MUC4: variants seen among roughly 807,000 people sequenced by gnomAD.
MUC4 encodes mucin-4.
A neutral mutation model predicts 257.9 loss-of-function variants in MUC4; 202 were observed. The ratio of observed to expected loss-of-function variants is 0.78; its 90% CI spans 0.70 to 0.88. The LOEUF (loss-of-function observed/expected upper bound fraction) is 0.88, where lower values mean the gene tolerates loss of function less well. Among genes scored for constraint, MUC4 ranks in the 40% least tolerant of loss-of-function variants. The pLI, the probability that MUC4 is intolerant of heterozygous loss-of-function variation, is 0.00. For missense variants in MUC4, 5,976 were observed against 6,513.7 expected (o/e 0.92, Z 2.84); for synonymous variants, 2,351 against 2,757.1 (o/e 0.85, Z 4.62).
intron 1 of MUC4, among the ~76,000 whole-genome samples, chr3:195,792,447 C>G (rs4927721): frequency 0.5 from 76,503 of 152,066 alleles, 21,921 homozygotes; most frequent in African/African-American, 0.78. Flanking sequence ...TCTCACACCA[C>G]TCAGAATGGC....
In MUC4 at chr3:195,765,345, C is replaced by T; in HGVS notation, c.13723G>A (p.Gly4575Ser). The T allele has an allele frequency of 1.2e-6, 2 of 1,613,738 alleles. No homozygotes were observed. The highest frequency in any genetic ancestry group is 1.7e-6 in the Non-Finnish European group (2 of 1,180,016). ...CAAGGGCAGGAGACCTGGTTCCAGCCCCAGCTGGGCCACCGAGGCTGGCTC... is the reference window on the plus strand; with the variant it reads ...CAAGGGCAGGAGACCTGGTTCCAGCTCCAGCTGGGCCACCGAGGCTGGCTC... ...LKSQPRWPSW[G>S]WNQVSCPCSW... Residue 4575 changes from glycine (G) to serine (S), a missense_variant, in exon 9 of 25, where the codon GGC becomes AGC. Gly to Ser is a moderately conservative substitution (Grantham distance 56). Coordinates refer to ENST00000463781, the MANE Select transcript of MUC4 (RefSeq NM_018406.7).
Position 195,757,293 on chromosome 3 carries a change from CCAGCGACTTGGGTGTCCA to C in MUC4, c.15004_15021del (p.Trp5002_Leu5007del). ...GCTAGAATCTCCAGAGTGAATGGCT[CCAGCGACTTGGGTGTCCA>C]CAGCAACGTCCCATTCTCTGCCCCG... On this transcript the variant is annotated inframe_deletion, in exon 18 of 25. Coordinates refer to ENST00000463781, the MANE Select transcript of MUC4 (RefSeq NM_018406.7). This position sits in a 1 kb window ranked among gnomAD's most constrained non-coding sequence, Gnocchi z 4.8. The C allele has an allele frequency of 6.2e-7, 1 of 1,610,006 alleles. No homozygotes were observed.
chr3:195,761,670 G>C, intron 14 of MUC4, 85 bp from the exon 15 acceptor site: 3 of 1,076,766 alleles, frequency 2.8e-6, no homozygotes, highest in South Asian at 2.7e-5. Context: ...AGTGGGGAGA[G>C]GCCAGGGCCT....
At chr3:195,808,483 G>A (rs1263314386) in intron 1 of MUC4, among the ~76,000 whole-genome samples, 1 of 152,162 alleles carries the variant, frequency 6.6e-6, no homozygotes, top group African/African-American at 2.4e-5. Flanking sequence ...TGGGATTACA[G>A]CGTGAGCCAC....
Position 195,786,504 on chromosome 3 carries a change from A to G in MUC4, c.5076T>C (p.Asp1692=), listed in dbSNP as rs1210210161. 2.0e-6 allele frequency: 3 copies of G among 1,525,886 alleles called. No individual in the cohort carries two copies. Among genetic ancestry groups the G allele is most frequent in the Non-Finnish European group, 1.8e-6 (2 of 1,131,866 alleles). 94.5% of individuals were successfully genotyped at this position (1,525,886 alleles called of 1,614,324 possible). The change falls in exon 2 of 25, where the codon GAT becomes GAC. Residue 1692 remains aspartate, a synonymous_variant. Coordinates refer to ENST00000463781, the MANE Select transcript of MUC4 (RefSeq NM_018406.7). ...PVTGLSSATT[D]DTTRLPVTDV... ...CGGTGACAGGAAGACGGGTGGTGTCATCTGTGGTAGCTGAGGAAAGGCCGG... is the reference window on the plus strand; with the variant it reads ...CGGTGACAGGAAGACGGGTGGTGTCGTCTGTGGTAGCTGAGGAAAGGCCGG...
chr3:195,753,134 T>C lies in MUC4; in HGVS notation c.15425A>G (p.Gln5142Arg), dbSNP rs771793916. The change falls in exon 20 of 25, where the codon CAG becomes CGG. Residue 5142 changes from glutamine (Q) to arginine (R), a missense_variant. Gln to Arg is a conservative substitution (Grantham distance 43). This residue lies in a region of MUC4 where 996 missense variants were observed against 1,137.3 expected (regional missense o/e 0.88). Coordinates refer to ENST00000463781, the MANE Select transcript of MUC4 (RefSeq NM_018406.7). ...HCYISQTLGC[Q>R]PMCTCPPAFT... ...GGCTGGGGGGCAGGTGCACATGGGC[T>C]GACAGCCCAGAGTCTGGGAGATGTA... The C allele has an allele frequency of 6.2e-7, 1 of 1,613,074 alleles. No individual in the cohort carries two copies. The highest frequency in any genetic ancestry group is 8.5e-7 in the Non-Finnish European group (1 of 1,179,680).
At position 195,746,892 on chromosome 3, in the gene MUC4, G is replaced by T. The variant is rs1277378161; in HGVS notation, c.*284C>A. On this transcript the variant is annotated 3_prime_UTR_variant, in exon 25 of 25. Transcript: ENST00000463781. ...ATCACCACATTATGAACTCGTGTGT[G>T]TGTGTGTGTGTGTGCACGCGCGCGT... is the stretch of plus-strand genomic sequence containing the variant. 20 of 471,378 alleles carry T rather than the reference G, an allele frequency of 4.2e-5. No individual in the cohort carries two copies. Among genetic ancestry groups the T allele is most frequent in the East Asian group, 1.6e-4 (5 of 31,594 alleles). 29.2% of individuals were successfully genotyped at this position (471,378 alleles called of 1,614,324 possible). A position where few individuals can be genotyped will look rare whatever the true frequency, so the allele number is the denominator to read the frequency against.
At chr3:195,762,305 G>T (rs773372860) in intron 13 of MUC4, 51 bp from the exon 14 acceptor site, 1 of 1,513,116 alleles carries the variant, frequency 6.6e-7, no homozygotes, top group South Asian at 1.3e-5. Flanking sequence ...ACCACGGCCC[G>T]CACCAAACCC....
intron 21 of MUC4, 198 bp downstream of exon 21, chr3:195,752,175 A>C: frequency 1.7e-6 from 1 of 596,120 alleles, no homozygotes. Context: ...GCCTCTGCTT[A>C]TGATGAGTCG....
rs1416457615 is a variant in MUC4, at chr3:195,783,139, G to C, written c.8441C>G (p.Ala2814Gly). 2 of 1,329,398 alleles carry C rather than the reference G, an allele frequency of 1.5e-6. No individual in the cohort carries two copies. The highest frequency in any genetic ancestry group is 2.0e-6 in the Non-Finnish European group (2 of 993,138). 82.4% of individuals were successfully genotyped at this position (1,329,398 alleles called of 1,614,324 possible). A position where few individuals can be genotyped will look rare whatever the true frequency, so the allele number is the denominator to read the frequency against. ...AGCGTCGGTGACAGGAAGAGAGGTG[G>C]CGTGACCTGTGGACACTGACGAAGC... ...TDASSVSTGH[A>G]TSLPVTDASS... The change falls in exon 2 of 25, where the codon GCC becomes GGC. Residue 2814 changes from alanine (A) to glycine (G), a missense_variant. Transcript: ENST00000463781.
At chr3:195,748,393 G>A (rs540956490) in intron 24 of MUC4, among the ~76,000 whole-genome samples, 2 of 152,370 alleles carry the variant, frequency 1.3e-5, no homozygotes, top group East Asian at 1.9e-4. Flanking sequence ...GCGAAACCCC[G>A]TCTCTACTAA....
At chr3:195,749,383 C>CACAT (rs1460027824) in intron 23 of MUC4, among the ~76,000 whole-genome samples, 1 of 151,926 alleles carries the variant, frequency 6.6e-6, no homozygotes, top group Non-Finnish European at 1.5e-5. Context: ...TCCTGAAGAG[C>CACAT]ACATGCTTTG....
chr3:195,779,685 G>C lies in MUC4; in HGVS notation c.11895C>G (p.His3965Gln), dbSNP rs371889626. Reference sequence around the variant, plus strand: ...GGCTGGTGACAGGAAGAGAGGTGGCGTGACCTGTGGATACTGAGGAAGTGT... The same window carrying C: ...GGCTGGTGACAGGAAGAGAGGTGGCCTGACCTGTGGATACTGAGGAAGTGT... ...VTDTSSVSTG[H>Q]ATSLPVTSRS... Residue 3965 changes from histidine to glutamine, a missense_variant, in exon 2 of 25, where the codon CAC (histidine) becomes CAG (glutamine). Coordinates refer to ENST00000463781, the MANE Select transcript of MUC4 (RefSeq NM_018406.7). The C allele has an allele frequency of 3.4e-5, 41 of 1,203,762 alleles. 4 individuals carry two copies. Among genetic ancestry groups the C allele is most frequent in the African/African-American group, 2.8e-4 (13 of 46,268 alleles). 74.6% of individuals were successfully genotyped at this position (1,203,762 alleles called of 1,614,324 possible).
intron 12 of MUC4, 81 bp downstream of exon 12, chr3:195,763,352 C>G: frequency 7.5e-7 from 1 of 1,326,314 alleles, no homozygotes; most frequent in Non-Finnish European, 9.8e-7. Context: ...CCTTCGCTCT[C>G]TTCCTTCTCC....
At chr3:195,811,504 C>A (rs1417502083) in intron 1 of MUC4, among the ~76,000 whole-genome samples, 1 of 152,054 alleles carries the variant, frequency 6.6e-6, no homozygotes, top group Non-Finnish European at 1.5e-5. Flanking sequence ...CTCTTCTCTT[C>A]CTCTTCTTTC....
Position 195,769,110 on chromosome 3 carries a change from A to T in MUC4, c.13441T>A (p.Ser4481Thr). The change falls in exon 7 of 25, where the codon TCC becomes ACC. Residue 4481 changes from serine to threonine, a missense_variant. Ser to Thr is a moderately conservative substitution (Grantham distance 58). Around this residue, in one of 44 missense-constraint regions of MUC4, gnomAD observed 996 missense variants for 1,137.3 expected, o/e 0.88. Transcript: ENST00000463781. Reference protein sequence around the residue: ...QAILSTDGSRSYALFLYQSGG... With the variant: ...QAILSTDGSRTYALFLYQSGG... ...CTCTGGTAGAGAAACAGGGCATAGG[A>T]CCTGCTCCCGTCCGTGGAGAGGATG... is the stretch of plus-strand genomic sequence containing the variant. 6.2e-7 allele frequency: 1 copy of T among 1,614,124 alleles called. No homozygotes were observed. Among genetic ancestry groups the T allele is most frequent in the Non-Finnish European group, 8.5e-7 (1 of 1,180,004 alleles).
intron 10 of MUC4, 60 bp from the exon 11 acceptor site, chr3:195,764,224 G>A: frequency 6.5e-7 from 1 of 1,541,090 alleles, no homozygotes; most frequent in East Asian, 2.5e-5. Context: ...GGCAGGGCAG[G>A]GTGGTGTTGG....
At chr3:195,763,191 T>C (rs1338854367) in intron 12 of MUC4, among the ~76,000 whole-genome samples, 1 of 152,250 alleles carries the variant, frequency 6.6e-6, no homozygotes, top group Non-Finnish European at 1.5e-5. Flanking sequence ...TCCCCATTCT[T>C]ACTAGGAGAA....
At chr3:195,762,677 A>AAAGCACTCGGCGCGGCACCGCC (rs1719407348) in intron 13 of MUC4, among the ~76,000 whole-genome samples, 178 bp downstream of exon 13, 7 of 38,078 alleles carry the variant, frequency 1.8e-4, no homozygotes, top group Admixed American at 4.8e-4. Flanking sequence ...CCTGCACCAC[A>AAAGCACTCGGCGCGGCACCGCC]ACGCACCCGG....
Sources: allele counts gnomAD v4.1 joint callset (sites outside exome capture counted in the v4.1 genomes callset), GRCh38; gene constraint gnomAD v4.1.1; regional missense constraint gnomAD v4.1.1; non-coding constraint Gnocchi (gnomAD v3.1); transcripts MANE v1.5; gene names NCBI Gene and HGNC (gene_info 2026-07-23, HGNC 2026-07-21).